The following NCKAP5 variants were observed in gnomAD, a reference collection of about 807,000 sequenced individuals.
The protein encoded by NCKAP5 is nck-associated protein 5.
In NCKAP5, 92 loss-of-function variants were observed where a neutral mutation model predicts 167.0. The observed-to-expected ratio is 0.55, with a 90% CI of 0.47 to 0.66. The LOEUF (loss-of-function observed/expected upper bound fraction) is 0.66, where lower values mean the gene tolerates loss of function less well. Among genes scored for constraint, NCKAP5 ranks in the 30% least tolerant of loss-of-function variants. The probability of loss-of-function intolerance (pLI) is 0.00; values close to 1 mark genes in which losing one functional copy is unlikely to be tolerated. For missense variants in NCKAP5, 2,378 were observed against 2,315.0 expected (o/e 1.03, Z -0.56); for synonymous variants, 891 against 877.4 (o/e 1.02, Z -0.27).
chr2:133,321,426 T>C (rs1019137684), intron 3 of NCKAP5, among the ~76,000 whole-genome samples: 7 of 152,222 alleles, frequency 4.6e-5, no homozygotes, highest in Admixed American at 2.0e-4. Flanking sequence ...AACATTCATG[T>C]TGTCTTTACA....
intron 6 of NCKAP5, among the ~76,000 whole-genome samples, chr2:133,057,016 A>T (rs2079827592): frequency 6.6e-6 from 1 of 152,190 alleles, no homozygotes; most frequent in African/African-American, 2.4e-5. Flanking sequence ...GCAATATTTC[A>T]AACTTTTTCA....
chr2:133,583,448 A>G, the NCKAP5 span, among the ~76,000 whole-genome samples: 1 of 145,424 alleles, frequency 6.9e-6, no homozygotes, highest in Non-Finnish European at 1.5e-5. Context: ...AGGCCTCTCC[A>G]GAAGCAGATG....
At position 133,511,812 on chromosome 2, in the gene NCKAP5, A is replaced by G. The variant is rs995600642; in HGVS notation, c.69+5646T>C. Reference sequence around the variant, plus strand: ...CCCTGACTTGATGCTCATTTGGGAAATCTCAAAACCATCTTGATATCAGAG... The same window carrying G: ...CCCTGACTTGATGCTCATTTGGGAAGTCTCAAAACCATCTTGATATCAGAG... On this transcript the variant is annotated intron_variant, in intron 3 of 19. Coordinates refer to ENST00000409261, the MANE Select transcript of NCKAP5 (RefSeq NM_207363.3). Among the ~76,000 whole-genome samples the G allele has an allele frequency of 8.6e-4, 131 of 152,308 alleles. 1 individual carries two copies. Among genetic ancestry groups the G allele is most frequent in the African/African-American group, 3.0e-3 (123 of 41,562 alleles).
intron 5 of NCKAP5, among the ~76,000 whole-genome samples, chr2:133,173,687 C>T (rs1272190028): frequency 6.6e-6 from 1 of 152,176 alleles, no homozygotes; most frequent in Non-Finnish European, 1.5e-5. Flanking sequence ...ATACAGAGGC[C>T]TCTTGCTCCC....
chr2:133,190,331 T>G (rs185817642), intron 5 of NCKAP5, among the ~76,000 whole-genome samples: 47 of 152,308 alleles, frequency 3.1e-4, no homozygotes, highest in African/African-American at 1.1e-3. Flanking sequence ...ATCAATATCC[T>G]GAAAATGGCC....
intron 11 of NCKAP5, among the ~76,000 whole-genome samples, chr2:132,806,920 A>C (rs183210057): frequency 7.9e-5 from 12 of 152,148 alleles, no homozygotes; most frequent in African/African-American, 2.6e-4. Context: ...ATCCATCTTG[A>C]GTTGATTTTT....
At chr2:132,957,919 G>T (rs918010690) in intron 8 of NCKAP5, among the ~76,000 whole-genome samples, 4 of 151,920 alleles carry the variant, frequency 2.6e-5, no homozygotes, top group African/African-American at 7.2e-5. Flanking sequence ...CTCTTTTTTT[G>T]TACAGTCATC....
chr2:133,176,939 T>C (rs763772046), intron 5 of NCKAP5, among the ~76,000 whole-genome samples: 7 of 152,092 alleles, frequency 4.6e-5, no homozygotes, highest in Non-Finnish European at 1.0e-4. Flanking sequence ...TAGGGAATAT[T>C]CTATAATTAA....
At position 132,849,064 on chromosome 2, in the gene NCKAP5, G is replaced by A. The variant is rs992843549; in HGVS notation, c.807+11428C>T. On this transcript the variant is annotated intron_variant, in intron 11 of 19. Transcript: ENST00000409261. Reference sequence around the variant, plus strand: ...GGCAGTTATGATGCAGATGATCATCGTGGATTAAATTTTAATTTGGGATTT... The same window carrying A: ...GGCAGTTATGATGCAGATGATCATCATGGATTAAATTTTAATTTGGGATTT... 2.6e-5 allele frequency among the ~76,000 whole-genome samples: 4 copies of A among 152,136 alleles called. 1 individual carries two copies. Among genetic ancestry groups the A allele is most frequent in the Admixed American group, 1.3e-4 (2 of 15,282 alleles).
intron 8 of NCKAP5, among the ~76,000 whole-genome samples, chr2:132,920,686 T>C (rs1695262852): frequency 9.4e-6 from 1 of 106,236 alleles, no homozygotes; most frequent in Admixed American, 1.3e-4. Context: ...TATAAGTTAG[T>C]TTATATATAT....
the NCKAP5 span, among the ~76,000 whole-genome samples, chr2:133,575,138 A>G: frequency 6.6e-6 from 1 of 152,226 alleles, no homozygotes; most frequent in Non-Finnish European, 1.5e-5. Context: ...AAGAAACCAC[A>G]GTATTAGAAT....
chr2:133,015,381 A>T (rs2078295533), intron 6 of NCKAP5, among the ~76,000 whole-genome samples: 1 of 151,820 alleles, frequency 6.6e-6, no homozygotes, highest in African/African-American at 2.4e-5. Context: ...TCCTGGAGAC[A>T]TTCTGACTTT....
chr2:133,214,173 C>G (rs998966824), intron 4 of NCKAP5, among the ~76,000 whole-genome samples: 13 of 152,042 alleles, frequency 8.6e-5, no homozygotes, highest in Admixed American at 2.0e-4. Context: ...TATTAAGAAG[C>G]AAACAAAATA....
At chr2:133,616,807 C>A in the NCKAP5 span, among the ~76,000 whole-genome samples, 2 of 152,098 alleles carry the variant, frequency 1.3e-5, no homozygotes, top group Non-Finnish European at 2.9e-5. Flanking sequence ...TTTTATGAGG[C>A]CAGCATCATC....
chr2:132,844,197 T>A (rs1688501726), intron 11 of NCKAP5, among the ~76,000 whole-genome samples: 1 of 152,172 alleles, frequency 6.6e-6, no homozygotes, highest in Non-Finnish European at 1.5e-5. Context: ...ACATGTGTTC[T>A]CACATGTATG....
the NCKAP5 span, among the ~76,000 whole-genome samples, chr2:133,620,972 T>C: frequency 6.6e-6 from 1 of 152,060 alleles, no homozygotes; most frequent in African/African-American, 2.4e-5. Flanking sequence ...AAAGGAACCC[T>C]CAAAACCATG....
chr2:133,506,399 C>G (rs1418216381), intron 3 of NCKAP5, among the ~76,000 whole-genome samples: 2 of 152,188 alleles, frequency 1.3e-5, no homozygotes, highest in African/African-American at 4.8e-5. Context: ...CTCGTTTGGC[C>G]TCTCCAAATC....
upstream of NCKAP5, among the ~76,000 whole-genome samples, chr2:133,572,750 G>A (rs1165780781): frequency 6.6e-6 from 1 of 152,178 alleles, no homozygotes; most frequent in Non-Finnish European, 1.5e-5. Context: ...TTTAGAAAGG[G>A]CAGCATAGGA....
At chr2:133,162,956 A>C (rs936389449) in intron 5 of NCKAP5, among the ~76,000 whole-genome samples, 6 of 152,234 alleles carry the variant, frequency 3.9e-5, no homozygotes, top group Non-Finnish European at 7.3e-5. Context: ...CTAGAGAACT[A>C]GGATGATGCT....
Sources: gnomAD v4.1 joint callset for allele counts (sites outside exome capture counted in the v4.1 genomes callset) on GRCh38, gnomAD v4.1.1 for gene constraint, MANE v1.5 for transcripts, NCBI Gene and HGNC (gene_info 2026-07-23, HGNC 2026-07-21) for gene names.